The following SMARCD1 variants were observed in gnomAD, a reference collection of about 807,000 sequenced individuals.
The protein encoded by SMARCD1 is SWI/SNF related BAF chromatin remodeling complex subunit D1, also known as SWI/SNF-related matrix-associated actin-dependent regulator of chromatin subfamily D member 1.
SMARCD1 carries 16 observed loss-of-function variants against 70.8 expected under a neutral mutation model. The observed-to-expected ratio is 0.23, with a 90% CI of 0.15 to 0.34. The LOEUF (loss-of-function observed/expected upper bound fraction) is 0.34, where lower values mean the gene tolerates loss of function less well. Among genes scored for constraint, SMARCD1 ranks in the 10% least tolerant of loss-of-function variants. The pLI, the probability that SMARCD1 is intolerant of heterozygous loss-of-function variation, is 1.00. For synonymous variants in SMARCD1, 249 were observed against 246.0 expected (o/e 1.01, Z -0.11); for missense variants, 409 against 655.5 (o/e 0.62, Z 4.11).
Position 50,099,051 on chromosome 12 carries a change from T to G in SMARCD1, c.*51T>G. On this transcript the variant is annotated 3_prime_UTR_variant, in exon 13 of 13. Transcript: ENST00000394963. ...CTGCACCAATTCTTGATTTGGGCCC[T>G]GTGCTGCCTGCCTCATAGTATCTGC... The G allele has an allele frequency of 2.1e-4, 299 of 1,453,228 alleles. No homozygotes were observed. The highest frequency in any genetic ancestry group is 3.7e-4 in the Middle Eastern group (2 of 5,410). The allele number at this position is 1,453,228 out of a possible 1,614,324, so 90.0% of individuals were successfully genotyped here. A position where few individuals can be genotyped will look rare whatever the true frequency, so the allele number is the denominator to read the frequency against.
In SMARCD1 at chr12:50,085,701, G is replaced by A. The variant is rs1950781920; in HGVS notation, c.177+155G>A. The A allele has an allele frequency of 9.7e-6, 5 of 514,008 alleles. No individual in the cohort carries two copies. The East Asian group carries it at 2.0e-4, about 21-fold the overall frequency. 31.8% of individuals were successfully genotyped at this position (514,008 alleles called of 1,614,324 possible). ...GGGAGGCAGTGCGCAGAAAGAGAGGGGGAGGCAGTTACACACCTGCTCCTA... is the reference window on the plus strand; with the variant it reads ...GGGAGGCAGTGCGCAGAAAGAGAGGAGGAGGCAGTTACACACCTGCTCCTA... On this transcript the variant is annotated intron_variant, in intron 1 of 12. Transcript: ENST00000394963.
intron 2 of SMARCD1, 29 bp downstream of exon 2, chr12:50,086,377 A>G (rs535579160): frequency 7.6e-6 from 5 of 659,356 alleles, no homozygotes; most frequent in African/African-American, 5.6e-5. Context: ...AGAGGGAGGG[A>G]GGGAGGGAGC....
At chr12:50,097,271 C>T (rs1950900444) in intron 11 of SMARCD1, among the ~76,000 whole-genome samples, 1 of 152,224 alleles carries the variant, frequency 6.6e-6, no homozygotes, top group Non-Finnish European at 1.5e-5. Context: ...GCTAGTATAG[C>T]CGGGCATGGT....
chr12:50,086,963 A>G (rs1950797263), intron 4 of SMARCD1, 85 bp downstream of exon 4: 1 of 1,353,876 alleles, frequency 7.4e-7, no homozygotes, highest in South Asian at 1.2e-5. Flanking sequence ...TCAAAGGCAC[A>G]GCACAACTCT....
chr12:50,090,738 T>C (rs533364565), intron 9 of SMARCD1, 148 bp downstream of exon 9: 1 of 539,982 alleles, frequency 1.9e-6, no homozygotes, highest in Non-Finnish European at 3.3e-6. Context: ...CATAAACTTA[T>C]AATTAAATAT....
chr12:50,085,428 G>C lies in SMARCD1; in HGVS notation c.59G>C (p.Gly20Ala). The change falls in exon 1 of 13, where the codon GGA becomes GCA. Residue 20 changes from glycine (G) to alanine (A), a missense_variant. This residue lies in a region of SMARCD1 where 140 missense variants were observed against 156.9 expected (regional missense o/e 0.89). Coordinates refer to ENST00000394963, the MANE Select transcript of SMARCD1 (RefSeq NM_003076.5). ...CCAAGCGGCGGCGCCGGAGCCTCAG[G>C]AGGGGCGGGCGCGGCTGCTGCCTTG... is the stretch of plus-strand genomic sequence containing the variant. ...VAPSGGAGAS[G>A]GAGAAAALGP... The C allele has an allele frequency of 8.0e-7, 1 of 1,245,436 alleles. No homozygotes were observed. Among genetic ancestry groups the C allele is most frequent in the Non-Finnish European group, 1.0e-6 (1 of 996,508 alleles). The allele number at this position is 1,245,436 out of a possible 1,614,324, so 77.1% of individuals were successfully genotyped here.
intron 5 of SMARCD1, chr12:50,088,210 G>T (rs1950809189): frequency 4.3e-6 from 3 of 697,102 alleles, no homozygotes; most frequent in Non-Finnish European, 7.9e-6. Flanking sequence ...TCTAGAGTCA[G>T]ACTTTTCTCT....
At chr12:50,087,599 T>G (rs1950802991) in intron 5 of SMARCD1, 114 bp downstream of exon 5, 2 of 1,252,620 alleles carry the variant, frequency 1.6e-6, no homozygotes, top group African/African-American at 3.0e-5. Context: ...TTGGGAGCAG[T>G]AAGGAGAGGG....
At chr12:50,095,664 A>G (rs1449312879) in intron 10 of SMARCD1, among the ~76,000 whole-genome samples, 1 of 152,162 alleles carries the variant, frequency 6.6e-6, no homozygotes, top group Non-Finnish European at 1.5e-5. Flanking sequence ...GTGTTAATGA[A>G]AGGGCAAAAA....
chr12:50,087,495 A>C lies in SMARCD1; in HGVS notation c.654+10A>C. The C allele has an allele frequency of 6.2e-7, 1 of 1,613,094 alleles. No individual in the cohort carries two copies. The highest frequency in any genetic ancestry group is 1.1e-5 in the South Asian group (1 of 91,034). ...ACGGCTCCTGGAGGATGTGAGTTCA[A>C]GGTCCACAATGGTTGGCATCTAGGG... On this transcript the variant is annotated intron_variant, in intron 5 of 12. Coordinates refer to ENST00000394963, the MANE Select transcript of SMARCD1 (RefSeq NM_003076.5).
intron 9 of SMARCD1, among the ~76,000 whole-genome samples, chr12:50,090,821 C>CTG (rs1950835452): frequency 9.8e-6 from 1 of 102,438 alleles, no homozygotes; most frequent in Non-Finnish European, 1.8e-5. Flanking sequence ...TGTATTTGTG[C>CTG]TTTTTTTTTT....
chr12:50,088,391 CTT>C, intron 5 of SMARCD1, 128 bp from the exon 6 acceptor site: 2 of 704,150 alleles, frequency 2.8e-6, no homozygotes, highest in South Asian at 1.6e-5. Context: ...GCCTATCTCT[CTT>C]AAGAGATATT....
chr12:50,092,539 T>C (rs860698), intron 9 of SMARCD1, among the ~76,000 whole-genome samples: 48,291 of 148,050 alleles, frequency 0.33, 8,959 homozygotes, highest in Middle Eastern at 0.45. Flanking sequence ...TTTTTTTTTT[T>C]CTTTTGACCC....
rs1401826299 is a variant in SMARCD1 at position 50,090,602 on chromosome 12, T to G, written c.1133+12T>G. ...AATCATGTCATCAGGTAGGCCTGTG[T>G]GTGGGAGGCAGTGCTGTGCCGGAGC... On this transcript the variant is annotated intron_variant, in intron 9 of 12. Coordinates refer to ENST00000394963, the MANE Select transcript of SMARCD1 (RefSeq NM_003076.5). 2.5e-6 allele frequency: 4 copies of G among 1,599,262 alleles called. No individual in the cohort carries two copies. The highest frequency in any genetic ancestry group is 3.3e-5 in the Admixed American group (2 of 59,984).
In SMARCD1 at chr12:50,099,684, C is replaced by G. The variant is rs957126337; in HGVS notation, c.*684C>G. 1 of 200,190 alleles carries G rather than the reference C, an allele frequency of 5.0e-6. No homozygotes were observed. Among genetic ancestry groups the G allele is most frequent in the African/African-American group, 2.3e-5 (1 of 43,452 alleles). 12.4% of individuals were successfully genotyped at this position (200,190 alleles called of 1,614,324 possible). On this transcript the variant is annotated 3_prime_UTR_variant, in exon 13 of 13. Coordinates refer to ENST00000394963, the MANE Select transcript of SMARCD1 (RefSeq NM_003076.5). ...GCTCCCTCCCAGACACTCCCTGTGGCTGCCCTTTGTGATTCCCTCAGATCT... is the reference window on the plus strand; with the variant it reads ...GCTCCCTCCCAGACACTCCCTGTGGGTGCCCTTTGTGATTCCCTCAGATCT...
At chr12:50,088,267 A>G (rs1262027051) in intron 5 of SMARCD1, 10 of 702,368 alleles carry the variant, frequency 1.4e-5, no homozygotes, top group Non-Finnish European at 2.3e-5. Context: ...AACTTGCCTC[A>G]TTTCCCTTGG....
rs972606472 is a variant in SMARCD1 at position 50,086,151 on chromosome 12, C to T, written c.178-10C>T. ...AACCATGACATCTCTGGGTCCTCTC[C>T]CCTCTGTAGAGACCAGGTATGTTGC... On this transcript the variant is annotated splice_polypyrimidine_tract_variant and intron_variant, in intron 1 of 12. Transcript: ENST00000394963. 4.7e-6 allele frequency: 7 copies of T among 1,490,514 alleles called. No individual in the cohort carries two copies. The highest frequency in any genetic ancestry group is 6.3e-6 in the Non-Finnish European group (7 of 1,113,424). 92.3% of individuals were successfully genotyped at this position (1,490,514 alleles called of 1,614,324 possible).
In SMARCD1 at chr12:50,087,504, A is replaced by G. The variant is rs369322705; in HGVS notation, c.654+19A>G. 22 of 1,611,982 alleles carry G rather than the reference A, an allele frequency of 1.4e-5. No homozygotes were observed. In the African/African-American group the frequency reaches 2.4e-4, roughly 18 times the overall value. On this transcript the variant is annotated intron_variant, in intron 5 of 12. Coordinates refer to ENST00000394963, the MANE Select transcript of SMARCD1 (RefSeq NM_003076.5). Reference sequence around the variant, plus strand: ...GGAGGATGTGAGTTCAAGGTCCACAATGGTTGGCATCTAGGGTGGGAGCTG... The same window carrying G: ...GGAGGATGTGAGTTCAAGGTCCACAGTGGTTGGCATCTAGGGTGGGAGCTG...
chr12:50,088,707 G>A (rs1308764707), intron 6 of SMARCD1, 70 bp downstream of exon 6: 3 of 844,996 alleles, frequency 3.6e-6, no homozygotes, highest in Non-Finnish European at 5.9e-6. Context: ...GTATTTTAAT[G>A]TCTAAGGAGA....
Sources: allele counts gnomAD v4.1 joint callset (sites outside exome capture counted in the v4.1 genomes callset), GRCh38; gene constraint gnomAD v4.1.1; regional missense constraint gnomAD v4.1.1; transcripts MANE v1.5; gene names NCBI Gene and HGNC (gene_info 2026-07-23, HGNC 2026-07-21).